ANO2: variants seen among roughly 807,000 people sequenced by gnomAD.
ANO2 encodes the protein anoctamin-2.
In ANO2, 101 loss-of-function variants were observed where a neutral mutation model predicts 124.2. That is an observed-to-expected ratio of 0.81 (90% confidence interval 0.69 to 0.96). The LOEUF is 0.96. Ranked by LOEUF, ANO2 falls within the 40% of genes least tolerant of loss-of-function variation. ANO2 has a pLI of 0.00. For missense variants in ANO2, 1,293 were observed against 1,274.5 expected, an observed-to-expected ratio of 1.01 and a Z score of -0.22; for synonymous variants, 486 against 482.5, an observed-to-expected ratio of 1.01 and a Z score of -0.09.
At chr12:5,601,632 T>C (rs973068597) in intron 19 of ANO2, among the ~76,000 whole-genome samples, 1 of 152,188 alleles carries the variant, frequency 6.6e-6, no homozygotes, top group African/African-American at 2.4e-5. Flanking sequence ...CCATGAACAG[T>C]AATCAGACGA....
intron 15 of ANO2, among the ~76,000 whole-genome samples, chr12:5,637,598 G>A (rs1005352866): frequency 2.6e-5 from 4 of 152,074 alleles, no homozygotes; most frequent in South Asian, 4.2e-4. Flanking sequence ...ATTGAAATGC[G>A]GAATCTCAAG....
chr12:5,667,112 T>C (rs538917329), intron 14 of ANO2, among the ~76,000 whole-genome samples: 354 of 152,316 alleles, frequency 2.3e-3, no homozygotes, highest in Non-Finnish European at 3.8e-3. Flanking sequence ...CTGCGTTTGC[T>C]GCTTTCTGGG....
intron 14 of ANO2, among the ~76,000 whole-genome samples, chr12:5,722,850 C>T (rs543748597): frequency 4.8e-4 from 73 of 152,296 alleles, no homozygotes; most frequent in African/African-American, 1.6e-3. Flanking sequence ...GCTCCGGCTG[C>T]TTTTAAGGAG....
chr12:5,614,687 T>A (rs1378584919), intron 17 of ANO2, among the ~76,000 whole-genome samples: 1 of 152,168 alleles, frequency 6.6e-6, no homozygotes, highest in Admixed American at 6.5e-5. Context: ...AATTATTGAA[T>A]CTGATGGAGT....
At chr12:5,575,758 T>C in intron 23 of ANO2, 76 bp downstream of exon 23, 1 of 1,499,132 alleles carries the variant, frequency 6.7e-7, no homozygotes, top group Non-Finnish European at 9.0e-7. Flanking sequence ...AGGGTTGTAA[T>C]TCTAGGTCGT....
At chr12:5,593,814 T>C (rs1320454209) in intron 20 of ANO2, among the ~76,000 whole-genome samples, 6 of 152,192 alleles carry the variant, frequency 3.9e-5, no homozygotes, top group African/African-American at 1.2e-4. Flanking sequence ...ACCAGAGTCA[T>C]GTAGCTAGCA....
chr12:5,717,103 G>A (rs936440906), intron 14 of ANO2, among the ~76,000 whole-genome samples: 7 of 152,178 alleles, frequency 4.6e-5, no homozygotes, highest in East Asian at 1.9e-4. Flanking sequence ...CCATCCCACC[G>A]CAAAGGCCAG....
At chr12:5,620,432 A>G (rs1412001841) in intron 16 of ANO2, among the ~76,000 whole-genome samples, 3 of 152,332 alleles carry the variant, frequency 2.0e-5, no homozygotes, top group African/African-American at 7.2e-5. Context: ...ATTGCCCGCT[A>G]GGGAATCTGG....
chr12:5,643,558 C>T (rs1036555094), intron 15 of ANO2, among the ~76,000 whole-genome samples: 2 of 152,148 alleles, frequency 1.3e-5, no homozygotes, highest in Non-Finnish European at 2.9e-5. Flanking sequence ...TTTTCTAAGA[C>T]AGATATCCAG....
chr12:5,720,721 A>T (rs1266868549), intron 14 of ANO2, among the ~76,000 whole-genome samples: 1 of 152,132 alleles, frequency 6.6e-6, no homozygotes, highest in Non-Finnish European at 1.5e-5. Flanking sequence ...GTCTGGATCC[A>T]CAGCTTCTCC....
intron 10 of ANO2, among the ~76,000 whole-genome samples, chr12:5,764,609 C>A (rs1383595358): frequency 2.0e-5 from 3 of 152,206 alleles, no homozygotes; most frequent in Non-Finnish European, 4.4e-5. Context: ...ATGAGACATG[C>A]CCATGGCAAA....
chr12:5,846,851 T>C (rs570175351), intron 4 of ANO2, among the ~76,000 whole-genome samples: 3 of 152,356 alleles, frequency 2.0e-5, no homozygotes, highest in Non-Finnish European at 2.9e-5. Flanking sequence ...ACTAATTATA[T>C]CTGCAAAGAT....
intron 3 of ANO2, among the ~76,000 whole-genome samples, chr12:5,889,163 C>T (rs1015759935): frequency 6.6e-5 from 10 of 152,226 alleles, no homozygotes; most frequent in African/African-American, 2.2e-4. Context: ...GCCAAGCCCA[C>T]GCCCACCCAG....
In ANO2 at chr12:5,904,213, G is replaced by C. The variant is rs56201315; in HGVS notation, c.534+16827C>G. ...GCTTATGGAAGCTGTAGTAAAGAAG[G>C]GGGGACTCCCATCTGGGACCATGGT... On this transcript the variant is annotated intron_variant, in intron 3 of 24. Transcript: ENST00000682330. The surrounding 1 kb of genome is among the most constrained non-coding windows in gnomAD (Gnocchi z 4.1). Among the ~76,000 whole-genome samples the C allele has an allele frequency of 0.076, 11,643 of 152,234 alleles. 875 individuals are homozygous for C. Among genetic ancestry groups the C allele is most frequent in the African/African-American group, 0.19 (7,994 of 41,512 alleles).
chr12:5,806,210 T>A, intron 8 of ANO2, 117 bp from the exon 9 acceptor site: 2 of 1,072,078 alleles, frequency 1.9e-6, no homozygotes, highest in Non-Finnish European at 2.7e-6. Flanking sequence ...CATTCCCATT[T>A]AAGGAAGGTC....
intron 20 of ANO2, chr12:5,584,135 C>CG (rs1555088550): frequency 2.4e-5 from 4 of 164,558 alleles, no homozygotes; most frequent in South Asian, 1.2e-4. Flanking sequence ...ATGAACACCC[C>CG]CCCCCCGCCG....
At chr12:5,653,200 G>T (rs1282706283) in intron 14 of ANO2, among the ~76,000 whole-genome samples, 1 of 152,174 alleles carries the variant, frequency 6.6e-6, no homozygotes, top group Non-Finnish European at 1.5e-5. Flanking sequence ...AGGACAGGAA[G>T]CCAAACCTTG....
At chr12:5,838,212 T>C (rs188218361) in intron 4 of ANO2, among the ~76,000 whole-genome samples, 10 of 152,334 alleles carry the variant, frequency 6.6e-5, no homozygotes, top group Non-Finnish European at 7.3e-5. Flanking sequence ...ACGCTGTTTT[T>C]ACTGGGACCA....
At chr12:5,894,465 T>C (rs1392980892) in intron 3 of ANO2, among the ~76,000 whole-genome samples, 4 of 152,238 alleles carry the variant, frequency 2.6e-5, no homozygotes, top group Non-Finnish European at 5.9e-5. Flanking sequence ...TGATAGTTTA[T>C]TTTGCTGTGC....
Sources: gnomAD v4.1 joint callset for allele counts (sites outside exome capture counted in the v4.1 genomes callset) on GRCh38, gnomAD v4.1.1 for gene constraint, Gnocchi (gnomAD v3.1) non-coding constraint, MANE v1.5 for transcripts, NCBI Gene and HGNC (gene_info 2026-07-23, HGNC 2026-07-21) for gene names.